The following SHTN1 variants were observed in gnomAD, a reference collection of about 807,000 sequenced individuals.
SHTN1 encodes shootin 1.
A neutral mutation model predicts 83.1 loss-of-function variants in SHTN1; 42 were observed. The ratio of observed to expected loss-of-function variants is 0.51; its 90% CI spans 0.39 to 0.65. The LOEUF (loss-of-function observed/expected upper bound fraction) is 0.65, where lower values mean the gene tolerates loss of function less well. SHTN1 is among the 30% of genes least tolerant of loss of function. The pLI is 0.00. For missense variants in SHTN1, 622 were observed against 737.8 expected, an observed-to-expected ratio of 0.84 and a Z score of 1.82; for synonymous variants, 224 against 247.7, an observed-to-expected ratio of 0.90 and a Z score of 0.90.
At chr10:116,898,858 A>T (rs1186428154) in intron 16 of SHTN1, among the ~76,000 whole-genome samples, 1 of 152,180 alleles carries the variant, frequency 6.6e-6, no homozygotes. Flanking sequence ...TTGCTTTCTT[A>T]TAAGTCCCTA....
At chr10:117,037,851 C>CA (rs1852522193) in intron 2 of SHTN1, among the ~76,000 whole-genome samples, 1 of 151,504 alleles carries the variant, frequency 6.6e-6, no homozygotes, top group South Asian at 2.1e-4. Flanking sequence ...ACTAAAAATA[C>CA]AAAAATTAGC....
intron 1 of SHTN1, among the ~76,000 whole-genome samples, chr10:117,066,556 T>A (rs1375507372): frequency 6.6e-6 from 1 of 152,164 alleles, no homozygotes; most frequent in Non-Finnish European, 1.5e-5. Flanking sequence ...GGGACAATAT[T>A]ATAAGGAATG....
intron 7 of SHTN1, among the ~76,000 whole-genome samples, chr10:116,947,260 C>A (rs1323213388): frequency 2.0e-5 from 3 of 152,114 alleles, no homozygotes; most frequent in African/African-American, 4.8e-5. Flanking sequence ...AGATATTAGG[C>A]ACAAGCTGGG....
intron 2 of SHTN1, among the ~76,000 whole-genome samples, chr10:116,973,111 G>T (rs1256226786): frequency 6.6e-6 from 1 of 152,118 alleles, no homozygotes; most frequent in Non-Finnish European, 1.5e-5. Flanking sequence ...CCTCTCTCAC[G>T]TATTCATCCA....
At chr10:116,962,542 T>C (rs1433589734) in intron 3 of SHTN1, among the ~76,000 whole-genome samples, 1 of 152,210 alleles carries the variant, frequency 6.6e-6, no homozygotes, top group Admixed American at 6.5e-5. Flanking sequence ...CATAGGAATC[T>C]TACTTTTTAT....
chr10:117,121,829 G>A (rs557846860), intron 1 of SHTN1, among the ~76,000 whole-genome samples: 12 of 152,048 alleles, frequency 7.9e-5, no homozygotes, highest in South Asian at 2.1e-4. Context: ...TCAGGAGATC[G>A]AGACCATCCT....
intron 2 of SHTN1, among the ~76,000 whole-genome samples, chr10:117,018,822 C>T (rs1431121073): frequency 2.6e-5 from 4 of 152,108 alleles, no homozygotes; most frequent in African/African-American, 9.7e-5. Flanking sequence ...CCGCCCACCT[C>T]AGCCTCCCAA....
intron 1 of SHTN1, among the ~76,000 whole-genome samples, chr10:117,061,686 G>C (rs771487755): frequency 7.2e-5 from 11 of 151,850 alleles, no homozygotes; most frequent in Non-Finnish European, 1.3e-4. Flanking sequence ...GGTCAGGCTG[G>C]TCTCAAACTC....
At chr10:116,904,284 C>A (rs1343545414) in intron 15 of SHTN1, among the ~76,000 whole-genome samples, 1 of 152,188 alleles carries the variant, frequency 6.6e-6, no homozygotes, top group Non-Finnish European at 1.5e-5. Context: ...ACTTTCCCCC[C>A]TGGAATTTTC....
chr10:116,900,435 C>A (rs968909681), intron 16 of SHTN1: 15 of 1,097,148 alleles, frequency 1.4e-5, no homozygotes, highest in East Asian at 1.0e-4. Flanking sequence ...CTTGGGCCTG[C>A]AATTATTTCA....
chr10:116,938,055 C>G (rs962737628), intron 9 of SHTN1, among the ~76,000 whole-genome samples: 1 of 151,916 alleles, frequency 6.6e-6, no homozygotes, highest in Non-Finnish European at 1.5e-5. Context: ...TTCTAGTTAG[C>G]AATTCCTCTA....
chr10:117,102,699 A>AAAGTTAACTGAAAAAACT (rs994805382), intron 1 of SHTN1, among the ~76,000 whole-genome samples: 1 of 152,028 alleles, frequency 6.6e-6, no homozygotes, highest in Non-Finnish European at 1.5e-5. Context: ...GGCAGGTGAA[A>AAAGTTAACTGAAAAAACT]AAGTTAACTG....
At chr10:117,041,127 T>C (rs1056833169) in intron 2 of SHTN1, among the ~76,000 whole-genome samples, 8 of 151,790 alleles carry the variant, frequency 5.3e-5, no homozygotes, top group Non-Finnish European at 8.8e-5. Flanking sequence ...GCCCCGGTGT[T>C]TAAAATGTTT....
At chr10:117,049,640 G>T (rs1564941788) in intron 1 of SHTN1, among the ~76,000 whole-genome samples, 1 of 152,162 alleles carries the variant, frequency 6.6e-6, no homozygotes, top group Non-Finnish European at 1.5e-5. Context: ...ACAAAGGAAT[G>T]AACAGATAGT....
At chr10:116,949,022 A>T in intron 6 of SHTN1, 25 bp from the exon 7 acceptor site, 4 of 1,502,724 alleles carry the variant, frequency 2.7e-6, no homozygotes, top group Non-Finnish European at 2.7e-6. Flanking sequence ...TTTTGAGGGG[A>T]GAAAACACCA....
intron 1 of SHTN1, among the ~76,000 whole-genome samples, chr10:117,057,422 C>A (rs1197590081): frequency 6.6e-6 from 1 of 152,098 alleles, no homozygotes; most frequent in East Asian, 1.9e-4. Flanking sequence ...GTTGTAATCA[C>A]GGATTGCTGC....
intron 11 of SHTN1, among the ~76,000 whole-genome samples, chr10:116,922,400 T>C (rs1177596912): frequency 6.6e-6 from 1 of 151,966 alleles, no homozygotes; most frequent in African/African-American, 2.4e-5. Flanking sequence ...GAAAACTCTT[T>C]GTAATTATCT....
chr10:116,895,187 A>G (rs528857852), intron 16 of SHTN1, among the ~76,000 whole-genome samples: 2 of 152,360 alleles, frequency 1.3e-5, no homozygotes, highest in East Asian at 3.9e-4. Flanking sequence ...TAGTAAAAGC[A>G]TCTTTCTAAT....
intron 1 of SHTN1, among the ~76,000 whole-genome samples, chr10:116,999,107 G>C (rs747710868): frequency 6.6e-6 from 1 of 152,074 alleles, no homozygotes; most frequent in Non-Finnish European, 1.5e-5. Flanking sequence ...GGGATTATAC[G>C]CGTGAGCCAA....
Sources: allele counts gnomAD v4.1 joint callset (sites outside exome capture counted in the v4.1 genomes callset), GRCh38; gene constraint gnomAD v4.1.1; transcripts MANE v1.5; gene names NCBI Gene and HGNC (gene_info 2026-07-23, HGNC 2026-07-21).